Variants in TCF25 observed in about 807,000 individuals in gnomAD.
The protein encoded by TCF25 is TCF25 ribosome quality control complex subunit.
A neutral mutation model predicts 83.1 loss-of-function variants in TCF25; 41 were observed. That is an observed-to-expected ratio of 0.49 (90% confidence interval 0.38 to 0.64). TCF25 has a LOEUF of 0.64. Ranked by LOEUF, TCF25 falls within the 30% of genes least tolerant of loss-of-function variation. TCF25 has a pLI of 0.00. For synonymous variants in TCF25, 458 were observed against 365.0 expected (o/e 1.25, Z -2.90); for missense variants, 979 against 914.5 (o/e 1.07, Z -0.91).
chr16:89,905,099 GAGCTAGGGGTTGACACA>G lies in TCF25; in HGVS notation c.1628+7_1628+23del. The G allele has an allele frequency of 6.3e-7, 1 of 1,588,774 alleles. No individual in the cohort carries two copies. The highest frequency in any genetic ancestry group is 1.2e-5 in the South Asian group (1 of 86,934). ...GCCGTGGAAGCCTGTGAGAACCGGT[GAGCTAGGGGTTGACACA>G]AGCCCTGCCACGCCCCCTCCTCAGG... is the stretch of plus-strand genomic sequence containing the variant. On this transcript the variant is annotated splice_donor_5th_base_variant and intron_variant, in intron 14 of 17. Transcript: ENST00000263346.
intron 1 of TCF25, 62 bp downstream of exon 1, chr16:89,873,921 G>C: frequency 6.9e-7 from 1 of 1,449,044 alleles, no homozygotes; most frequent in Non-Finnish European, 9.1e-7. Context: ...GGCGGGGCGA[G>C]CGTCCAGCCG....
chr16:89,896,100 T>A lies in TCF25; in HGVS notation c.1022+17T>A. The stretch of plus-strand genomic sequence containing the variant: ...CGAGAACAGGTGAGTGCAGCTGCCC[T>A]GGAGGTGACGCAGCTCCCCTTCCCT... On this transcript the variant is annotated intron_variant, in intron 9 of 17. Transcript: ENST00000263346. 6.2e-7 allele frequency: 1 copy of A among 1,610,960 alleles called. No individual in the cohort carries two copies. The highest frequency in any genetic ancestry group is 2.2e-5 in the East Asian group (1 of 44,818).
intron 12 of TCF25, 58 bp from the exon 13 acceptor site, chr16:89,904,060 C>T: frequency 6.5e-6 from 10 of 1,541,558 alleles, no homozygotes; most frequent in Admixed American, 1.8e-5. Flanking sequence ...GCCTTGGGGG[C>T]TAGGAGTGGC....
intron 12 of TCF25, among the ~76,000 whole-genome samples, chr16:89,902,498 A>G (rs1190974072): frequency 2.7e-4 from 36 of 135,516 alleles, no homozygotes; most frequent in Admixed American, 1.0e-3. Flanking sequence ...GACCATCCTG[A>G]CTAACACGGT....
intron 5 of TCF25, among the ~76,000 whole-genome samples, chr16:89,891,948 G>T (rs1025337422): frequency 1.3e-5 from 2 of 152,116 alleles, no homozygotes; most frequent in Non-Finnish European, 2.9e-5. Context: ...GGGATTACAG[G>T]TGTGAGCCCC....
chr16:89,884,201 A>T, intron 2 of TCF25: 2 of 218,366 alleles, frequency 9.2e-6, no homozygotes, highest in Non-Finnish European at 1.9e-5. Context: ...GGGGTTGGCC[A>T]GGTGCAGGCG....
chr16:89,898,446 G>A (rs1407703523), intron 9 of TCF25, 111 bp from the exon 10 acceptor site: 3 of 1,047,482 alleles, frequency 2.9e-6, no homozygotes, highest in East Asian at 4.8e-5. Flanking sequence ...GGGTGGTACT[G>A]GCCAGGACGC....
intron 1 of TCF25, chr16:89,878,487 T>G (rs1304899647): frequency 9.9e-7 from 1 of 1,009,590 alleles, no homozygotes; most frequent in Admixed American, 3.3e-5. Flanking sequence ...CCTCTCCCCC[T>G]AAAAAAAGAT....
intron 14 of TCF25, among the ~76,000 whole-genome samples, chr16:89,905,899 C>G (rs2044735995): frequency 6.6e-6 from 1 of 152,244 alleles, no homozygotes. Context: ...TGGAGATGAA[C>G]TCAGTGACTT....
Position 89,898,776 on chromosome 16 carries a change from G to A in TCF25, c.1125G>A (p.Pro375=), listed in dbSNP as rs142336595. 1.7e-4 allele frequency: 273 copies of A among 1,613,690 alleles called. No homozygotes were observed. Among genetic ancestry groups the A allele is most frequent in the Non-Finnish European group, 2.2e-4 (259 of 1,180,042 alleles). Reference sequence around the variant, plus strand: ...GTGCTGCCTCCGGAAGTCTCGAGCCGGATGAGGACCCCCTCTGCATGCTGC... The same window carrying A: ...GTGCTGCCTCCGGAAGTCTCGAGCCAGATGAGGACCCCCTCTGCATGCTGC... The part of the protein sequence containing the change: ...EYCKLILSLE[P]DEDPLCMLLL... The change falls in exon 11 of 18, where the codon CCG becomes CCA. Residue 375 remains proline (P), a synonymous_variant. Coordinates refer to ENST00000263346, the MANE Select transcript of TCF25 (RefSeq NM_014972.3).
Position 89,910,586 on chromosome 16 carries a change from T to G in TCF25, c.1800-5T>G, listed in dbSNP as rs771993049. 3 of 1,613,646 alleles carry G rather than the reference T, an allele frequency of 1.9e-6. No individual in the cohort carries two copies. The East Asian group carries it at 6.7e-5, about 36-fold the overall frequency. On this transcript the variant is annotated splice_region_variant and splice_polypyrimidine_tract_variant and intron_variant, in intron 16 of 17. Coordinates refer to ENST00000263346, the MANE Select transcript of TCF25 (RefSeq NM_014972.3). ...CGTTTCTGACTTTTCTTGACTTTCTTTCAGGCTAAGTCCTATCAGCCATGG... is the reference window on the plus strand; with the variant it reads ...CGTTTCTGACTTTTCTTGACTTTCTGTCAGGCTAAGTCCTATCAGCCATGG...
At chr16:89,883,948 G>A (rs949231182) in intron 2 of TCF25, 8 of 183,100 alleles carry the variant, frequency 4.4e-5, no homozygotes, top group Non-Finnish European at 9.4e-5. Flanking sequence ...GTTAACGTGG[G>A]ATGGGCAGAG....
At chr16:89,895,907 T>G in intron 8 of TCF25, 83 bp from the exon 9 acceptor site, 1 of 1,302,296 alleles carries the variant, frequency 7.7e-7, no homozygotes, top group African/African-American at 1.5e-5. Flanking sequence ...TCCAGACCTT[T>G]CCTTGTTGTC....
chr16:89,900,652 C>T lies in TCF25; in HGVS notation c.1239C>T (p.Ser413=). ...FQEWEAHRNL[S]QLPNFAFSVP... is the part of the protein sequence containing the mutation. Reference sequence around the variant, plus strand: ...CCTCGTAGGCTCATCGGAACCTGTCCCAGCTCCCTAATTTTGCCTTCTCTG... The same window carrying T: ...CCTCGTAGGCTCATCGGAACCTGTCTCAGCTCCCTAATTTTGCCTTCTCTG... Residue 413 remains serine, a synonymous_variant, in exon 12 of 18, where the codon TCC becomes TCT. Transcript: ENST00000263346. 1.3e-6 allele frequency: 2 copies of T among 1,595,394 alleles called. No homozygotes were observed. Among genetic ancestry groups the T allele is most frequent in the Non-Finnish European group, 1.7e-6 (2 of 1,164,304 alleles).
chr16:89,908,812 G>GCAGCTCT (rs2045296150), intron 16 of TCF25, among the ~76,000 whole-genome samples: 1 of 63,870 alleles, frequency 1.6e-5, no homozygotes, highest in African/African-American at 4.6e-5. Context: ...CTCCCACCTC[G>GCAGCTCT]CAGCTCCCAG....
In TCF25 at chr16:89,906,478, TGA is replaced by T. The variant is rs1247977261; in HGVS notation, c.1719+201_1719+202del. 2.6e-4 allele frequency among the ~76,000 whole-genome samples: 40 copies of T among 152,092 alleles called. 2 individuals carry two copies. Among genetic ancestry groups the T allele is most frequent in the Non-Finnish European group, 2.9e-5 (2 of 68,012 alleles). On this transcript the variant is annotated intron_variant, in intron 15 of 17. Coordinates refer to ENST00000263346, the MANE Select transcript of TCF25 (RefSeq NM_014972.3). ...GCCCGGGTTCGGATGCTTGTTGTTTTGAGAGAGAAATCCTTTGGGGCTCAGAG... is the reference window on the plus strand; with the variant it reads ...GCCCGGGTTCGGATGCTTGTTGTTTTGAGAGAAATCCTTTGGGGCTCAGAG...
At chr16:89,897,828 G>T (rs2043982445) in intron 9 of TCF25, among the ~76,000 whole-genome samples, 1 of 151,048 alleles carries the variant, frequency 6.6e-6, no homozygotes, top group African/African-American at 2.4e-5. Context: ...ACAAGATAAA[G>T]ATTTCAGCGG....
In TCF25 at chr16:89,906,377, T is replaced by C. The variant is rs368623295; in HGVS notation, c.1719+93T>C. 10 of 1,284,530 alleles carry C rather than the reference T, an allele frequency of 7.8e-6. No individual in the cohort carries two copies. In the African/African-American group the frequency reaches 1.5e-4, roughly 19 times the overall value. The allele number at this position is 1,284,530 out of a possible 1,614,324, so 79.6% of individuals were successfully genotyped here. ...GCGGTCCACATGCAGGCGTGCGTGG[T>C]GCGGGCTCCCTCAGCAGCCCAGCCC... is the stretch of plus-strand genomic sequence containing the variant. On this transcript the variant is annotated intron_variant, in intron 15 of 17. Coordinates refer to ENST00000263346, the MANE Select transcript of TCF25 (RefSeq NM_014972.3).
chr16:89,895,184 C>G (rs764474031), intron 8 of TCF25, 47 bp downstream of exon 8: 11 of 1,551,784 alleles, frequency 7.1e-6, no homozygotes, highest in Non-Finnish European at 8.0e-6. Flanking sequence ...GGGAGCACCT[C>G]AAGCTATCAA....
Sources: gnomAD v4.1 joint callset for allele counts (sites outside exome capture counted in the v4.1 genomes callset) on GRCh38, gnomAD v4.1.1 for gene constraint, MANE v1.5 for transcripts, NCBI Gene and HGNC (gene_info 2026-07-23, HGNC 2026-07-21) for gene names.